The following ZNF287 variants were observed in gnomAD, a reference collection of about 807,000 sequenced individuals.
ZNF287 encodes zinc finger protein with KRAB and SCAN domains 13.
A neutral mutation model predicts 73.7 loss-of-function variants in ZNF287; 31 were observed. The ratio of observed to expected loss-of-function variants is 0.42; its 90% CI spans 0.32 to 0.57. ZNF287 has a LOEUF of 0.57. Ranked by LOEUF, ZNF287 falls within the 20% of genes least tolerant of loss-of-function variation. The pLI is 0.13. For missense variants in ZNF287, 641 were observed against 909.3 expected, an observed-to-expected ratio of 0.70 and a Z score of 3.79; for synonymous variants, 301 against 307.2, an observed-to-expected ratio of 0.98 and a Z score of 0.21.
intron 5 of ZNF287, among the ~76,000 whole-genome samples, chr17:16,557,415 A>G (rs1907144687): frequency 6.6e-6 from 1 of 152,136 alleles, no homozygotes; most frequent in South Asian, 2.1e-4. Flanking sequence ...AATAAACCAT[A>G]AAATATAATA....
intron 4 of ZNF287, 126 bp downstream of exon 4, chr17:16,563,573 A>T: frequency 1.8e-6 from 2 of 1,119,134 alleles, no homozygotes; most frequent in Non-Finnish European, 2.5e-6. Context: ...TAAAACAGTC[A>T]CTTTCGTGCT....
chr17:16,552,177 T>G lies in ZNF287; in HGVS notation c.1965A>C (p.Lys655Asn). 6.2e-7 allele frequency: 1 copy of G among 1,614,070 alleles called. No individual in the cohort carries two copies. The highest frequency in any genetic ancestry group is 1.1e-5 in the South Asian group (1 of 91,074). Residue 655 changes from lysine to asparagine, a missense_variant, in exon 6 of 6, where the codon AAA becomes AAC. By Grantham distance (94) the Lys-to-Asn change is moderately conservative. Coordinates refer to ENST00000395825, the MANE Select transcript of ZNF287 (RefSeq NM_020653.4). The surrounding 1 kb of genome is among the most constrained non-coding windows in gnomAD (Gnocchi z 6.5). ...EKPFKCNICG[K>N]AYRQGANLTQ... ...TAAGATTTGCGCCTTGTCTATATGC[T>G]TTCCCACATATATTGCATTTAAAGG...
chr17:16,566,880 T>A (rs1432737072), intron 2 of ZNF287, among the ~76,000 whole-genome samples: 4 of 152,242 alleles, frequency 2.6e-5, no homozygotes, highest in African/African-American at 9.6e-5. Flanking sequence ...CCTTATGTGA[T>A]ATTAATTTTG....
At chr17:16,567,201 C>CT in intron 2 of ZNF287, 128 bp downstream of exon 2, 1 of 1,306,318 alleles carries the variant, frequency 7.7e-7, no homozygotes, top group Non-Finnish European at 1.0e-6. Context: ...CAGTTTCTTT[C>CT]TTTTTAAAAA....
intron 5 of ZNF287, among the ~76,000 whole-genome samples, chr17:16,562,165 G>A (rs778453528): frequency 4.6e-5 from 7 of 152,034 alleles, no homozygotes; most frequent in Non-Finnish European, 8.8e-5. Flanking sequence ...AAGTTATTGT[G>A]GAGGAATAAG....
chr17:16,553,140 T>C lies in ZNF287; in HGVS notation c.1002A>G (p.Gln334=). ...HSNLIVQFDT[Q]LDNKTSVYNE... ...TATACACAGAAGTTTTATTATCTAA[T>C]TGGGTATCAAACTGTACAATTAGGT... Residue 334 remains glutamine, a synonymous_variant, in exon 6 of 6, where the codon CAA becomes CAG. Coordinates refer to ENST00000395825, the MANE Select transcript of ZNF287 (RefSeq NM_020653.4). 1 of 1,612,066 alleles carries C rather than the reference T, an allele frequency of 6.2e-7. No homozygotes were observed. The highest frequency in any genetic ancestry group is 8.5e-7 in the Non-Finnish European group (1 of 1,178,136).
chr17:16,552,536 A>G lies in ZNF287; in HGVS notation c.1606T>C (p.Tyr536His). ...HQKIHTGKKP[Y>H]KCNECWKVFS... The stretch of plus-strand genomic sequence containing the variant: ...ACTTTCCAACATTCATTGCATTTAT[A>G]TGGTTTCTTCCCAGTATGTATTTTT... Residue 536 changes from tyrosine to histidine, a missense_variant, in exon 6 of 6, where the codon TAT becomes CAT. This residue lies in a region of ZNF287 where 284 missense variants were observed against 466.8 expected (regional missense o/e 0.61). Coordinates refer to ENST00000395825, the MANE Select transcript of ZNF287 (RefSeq NM_020653.4). The surrounding 1 kb of genome is among the most constrained non-coding windows in gnomAD (Gnocchi z 6.5). 1 of 1,614,116 alleles carries G rather than the reference A, an allele frequency of 6.2e-7. No homozygotes were observed. Among genetic ancestry groups the G allele is most frequent in the Non-Finnish European group, 8.5e-7 (1 of 1,179,970 alleles).
Position 16,548,162 on chromosome 17 carries a change from A to C in ZNF287, c.*3694T>G, listed in dbSNP as rs1906391729. ...ACCGTTGGTTACTTTTTACCAGGTA[A>C]AAAGTTGTTGGCAATCAAAATATCC... On this transcript the variant is annotated 3_prime_UTR_variant, in exon 6 of 6. Transcript: ENST00000395825. Among the ~76,000 whole-genome samples, 1 of 152,174 alleles carries C rather than the reference A, an allele frequency of 6.6e-6. No individual in the cohort carries two copies. Among genetic ancestry groups the C allele is most frequent in the Non-Finnish European group, 1.5e-5 (1 of 68,024 alleles).
At chr17:16,560,575 C>T (rs1273591111) in intron 5 of ZNF287, among the ~76,000 whole-genome samples, 3 of 151,860 alleles carry the variant, frequency 2.0e-5, no homozygotes, top group Non-Finnish European at 4.4e-5. Context: ...GTCTTGAACT[C>T]CTGACTTCGT....
chr17:16,560,283 T>G (rs887517161), intron 5 of ZNF287, among the ~76,000 whole-genome samples: 1 of 148,894 alleles, frequency 6.7e-6, no homozygotes, highest in Non-Finnish European at 1.5e-5. Context: ...TATTGAATTT[T>G]TAAAATTTCC....
Position 16,549,598 on chromosome 17 carries a change from T to C in ZNF287, c.*2258A>G, listed in dbSNP as rs971652625. 2.0e-5 allele frequency among the ~76,000 whole-genome samples: 3 copies of C among 152,158 alleles called. No individual in the cohort carries two copies. Among genetic ancestry groups the C allele is most frequent in the African/African-American group, 7.2e-5 (3 of 41,446 alleles). On this transcript the variant is annotated 3_prime_UTR_variant, in exon 6 of 6. Coordinates refer to ENST00000395825, the MANE Select transcript of ZNF287 (RefSeq NM_020653.4). ...TTAACTAATGTAAGGGAAATGGAAA[T>C]CAAGTTTTTTAAAGAAAACACTCAA...
At chr17:16,557,004 C>T (rs956255447) in intron 5 of ZNF287, among the ~76,000 whole-genome samples, 18 of 152,190 alleles carry the variant, frequency 1.2e-4, no homozygotes, top group Admixed American at 3.9e-4. Flanking sequence ...TGTGCCACCA[C>T]GCCTGGCTAA....
At chr17:16,562,662 A>G in intron 5 of ZNF287, among the ~76,000 whole-genome samples, 1 of 152,144 alleles carries the variant, frequency 6.6e-6, no homozygotes, top group East Asian at 1.9e-4. Context: ...TATACTTTTA[A>G]ACATTTTGAA....
At chr17:16,554,298 C>T (rs765209395) in intron 5 of ZNF287, among the ~76,000 whole-genome samples, 17 of 151,702 alleles carry the variant, frequency 1.1e-4, no homozygotes, top group Non-Finnish European at 2.2e-4. Context: ...CTCAGACTCC[C>T]GAGTAACTGG....
At chr17:16,564,884 A>G (rs1480722144) in intron 3 of ZNF287, among the ~76,000 whole-genome samples, 1 of 151,592 alleles carries the variant, frequency 6.6e-6, no homozygotes, top group African/African-American at 2.4e-5. Context: ...ATGCCCAGCT[A>G]ATTTTTGTAT....
Position 16,551,888 on chromosome 17 carries a change from G to A in ZNF287, c.2254C>T (p.Arg752Cys), listed in dbSNP as rs754238613. 14 of 1,608,018 alleles carry A rather than the reference G, an allele frequency of 8.7e-6. No individual in the cohort carries two copies. The highest frequency in any genetic ancestry group is 2.2e-5 in the East Asian group (1 of 44,782). The stretch of plus-strand genomic sequence containing the variant: ...CGATGTTTGGCACCTGTATGAACAC[G>A]TTGATGCTGAATAAGGTTTGTACTC... ...TQSTNLIQHQ[R>C]VHTGAKHRN is the part of the protein sequence containing the mutation. The change falls in exon 6 of 6, where the codon CGT (arginine) becomes TGT (cysteine). Residue 752 changes from arginine to cysteine, a missense_variant. Arg to Cys is a radical substitution (Grantham distance 180, BLOSUM62 -3). Transcript: ENST00000395825.
rs1906805022 is a variant in ZNF287 at position 16,553,163 on chromosome 17, G to A, written c.979C>T (p.Leu327=). ...YRNNFEKHSN[L]IVQFDTQLDN... ...AATTGGGTATCAAACTGTACAATTA[G>A]GTTTGAATGCTTTTCAAAATTATTT... Residue 327 remains leucine, a synonymous_variant, in exon 6 of 6, where the codon CTA becomes TTA. Coordinates refer to ENST00000395825, the MANE Select transcript of ZNF287 (RefSeq NM_020653.4). 3 of 1,606,694 alleles carry A rather than the reference G, an allele frequency of 1.9e-6. No homozygotes were observed. The highest frequency in any genetic ancestry group is 2.2e-5 in the East Asian group (1 of 44,848).
chr17:16,555,729 G>A (rs1011929501), intron 5 of ZNF287, among the ~76,000 whole-genome samples: 3 of 151,882 alleles, frequency 2.0e-5, no homozygotes, highest in Admixed American at 1.3e-4. Flanking sequence ...CTATTATTAC[G>A]TTTCTCGTAT....
At chr17:16,555,601 AAC>A (rs201011881) in intron 5 of ZNF287, among the ~76,000 whole-genome samples, 8,392 of 127,820 alleles carry the variant, frequency 0.066, 232 homozygotes, top group East Asian at 0.087. Context: ...CACATAACCA[AAC>A]ACACACACAC....
Sources: allele counts gnomAD v4.1 joint callset (sites outside exome capture counted in the v4.1 genomes callset), GRCh38; gene constraint gnomAD v4.1.1; regional missense constraint gnomAD v4.1.1; non-coding constraint Gnocchi (gnomAD v3.1); transcripts MANE v1.5; gene names NCBI Gene and HGNC (gene_info 2026-07-23, HGNC 2026-07-21).